Variants in GDI2 observed in about 807,000 individuals in gnomAD.
GDI2 encodes GDP dissociation inhibitor 2.
Under a neutral mutation model 54.2 loss-of-function variants are expected in GDI2, and 22 were observed. The ratio of observed to expected loss-of-function variants is 0.41; its 90% CI spans 0.29 to 0.58. The LOEUF is 0.58. GDI2 is among the 20% of genes least tolerant of loss of function. The pLI, the probability that GDI2 is intolerant of heterozygous loss-of-function variation, is 0.35. For missense variants in GDI2, 422 were observed against 546.0 expected (o/e 0.77, Z 2.26); for synonymous variants, 177 against 182.1 (o/e 0.97, Z 0.23).
chr10:5,808,233 G>A (rs189964370), intron 1 of GDI2, among the ~76,000 whole-genome samples: 8 of 152,244 alleles, frequency 5.3e-5, no homozygotes, highest in Non-Finnish European at 1.0e-4. Context: ...GCTGAAGTGG[G>A]AGGATCATTT....
At chr10:5,807,481 G>A (rs1841400251) in intron 1 of GDI2, among the ~76,000 whole-genome samples, 1 of 152,188 alleles carries the variant, frequency 6.6e-6, no homozygotes, top group Non-Finnish European at 1.5e-5. Flanking sequence ...TAACAGGTAA[G>A]AGTACCCACT....
Position 5,768,496 on chromosome 10 carries a change from A to C in GDI2, c.820-112T>G. On this transcript the variant is annotated intron_variant, in intron 7 of 10. Transcript: ENST00000380191. The surrounding 1 kb of genome is among the most constrained non-coding windows in gnomAD (Gnocchi z 4.4). ...TGTTAAGATATCAAAAACCATCCTC[A>C]AGTTCATATTGGTTCCCAAGGGATT... 2 of 677,136 alleles carry C rather than the reference A, an allele frequency of 3.0e-6. No homozygotes were observed. Among genetic ancestry groups the C allele is most frequent in the Non-Finnish European group, 5.1e-6 (2 of 396,036 alleles). The allele number at this position is 677,136 out of a possible 1,614,324, so 41.9% of individuals were successfully genotyped here.
At chr10:5,799,203 T>C (rs1441021119) in intron 2 of GDI2, among the ~76,000 whole-genome samples, 1 of 151,164 alleles carries the variant, frequency 6.6e-6, no homozygotes, top group East Asian at 2.0e-4. Flanking sequence ...GCCAGGCAGG[T>C]GGTATGCATC....
Position 5,794,923 on chromosome 10 carries a change from T to G in GDI2, c.350A>C (p.Tyr117Ser). ...GSFVYKGGKI[Y>S]KVPSTEAEAL... Reference sequence around the variant, plus strand: ...TTCTGCTTCAGTGGAAGGAACCTTGTAGATTTTTCCACCCTTATAGACAAA... The same window carrying G: ...TTCTGCTTCAGTGGAAGGAACCTTGGAGATTTTTCCACCCTTATAGACAAA... The change falls in exon 4 of 11, where the codon TAC becomes TCC. Residue 117 changes from tyrosine to serine, a missense_variant. Physicochemically the swap from Tyr to Ser is moderately radical, Grantham distance 144. Transcript: ENST00000380191. 9 of 1,606,736 alleles carry G rather than the reference T, an allele frequency of 5.6e-6. No individual in the cohort carries two copies. Among genetic ancestry groups the G allele is most frequent in the Non-Finnish European group, 6.0e-6 (7 of 1,173,248 alleles).
At position 5,765,886 on chromosome 10, in the gene GDI2, C is replaced by T; in HGVS notation, c.*120G>A. 1 of 727,920 alleles carries T rather than the reference C, an allele frequency of 1.4e-6. No homozygotes were observed. Among genetic ancestry groups the T allele is most frequent in the Non-Finnish European group, 2.3e-6 (1 of 443,462 alleles). The allele number at this position is 727,920 out of a possible 1,614,324, so 45.1% of individuals were successfully genotyped here. A position where few individuals can be genotyped will look rare whatever the true frequency, so the allele number is the denominator to read the frequency against. On this transcript the variant is annotated 3_prime_UTR_variant, in exon 11 of 11. Coordinates refer to ENST00000380191, the MANE Select transcript of GDI2 (RefSeq NM_001494.4). Reference sequence around the variant, plus strand: ...AGGTGAAGGGGAGTATTTACTGGCACAGCGCTCTTCATTCTCTCCATTTTC... The same window carrying T: ...AGGTGAAGGGGAGTATTTACTGGCATAGCGCTCTTCATTCTCTCCATTTTC...
At chr10:5,797,317 C>A (rs182934143) in intron 2 of GDI2, among the ~76,000 whole-genome samples, 8 of 151,844 alleles carry the variant, frequency 5.3e-5, no homozygotes, top group Non-Finnish European at 1.0e-4. Flanking sequence ...GAGGCCGAGG[C>A]GGGTGGATCA....
At chr10:5,800,510 T>C (rs930234283) in intron 2 of GDI2, 88 bp downstream of exon 2, 3 of 758,876 alleles carry the variant, frequency 4.0e-6, no homozygotes, top group Non-Finnish European at 7.2e-6. Context: ...AAAACAAAAT[T>C]AAGACCATCT....
At chr10:5,769,720 A>G (rs1476218574) in intron 7 of GDI2, among the ~76,000 whole-genome samples, 2 of 152,210 alleles carry the variant, frequency 1.3e-5, no homozygotes, top group Non-Finnish European at 2.9e-5. Context: ...GATTGCTACT[A>G]TCAAAACAAA....
intron 1 of GDI2, among the ~76,000 whole-genome samples, chr10:5,802,667 T>C (rs1462004633): frequency 6.6e-6 from 1 of 152,016 alleles, no homozygotes; most frequent in Non-Finnish European, 1.5e-5. Flanking sequence ...CCCCAATACA[T>C]GAAGAACTTT....
intron 7 of GDI2, chr10:5,769,374 C>T (rs1362275553): frequency 5.3e-5 from 8 of 151,872 alleles, no homozygotes; most frequent in Non-Finnish European, 1.0e-4. Flanking sequence ...GAGTTGGAGA[C>T]CAGCCTGACC....
intron 1 of GDI2, among the ~76,000 whole-genome samples, chr10:5,803,314 C>G (rs1041746637): frequency 7.2e-5 from 11 of 152,036 alleles, no homozygotes; most frequent in Non-Finnish European, 1.2e-4. Flanking sequence ...CCCTGCTACT[C>G]AAGAGGCTGA....
chr10:5,808,281 C>T (rs570174155), intron 1 of GDI2, among the ~76,000 whole-genome samples: 1 of 152,124 alleles, frequency 6.6e-6, no homozygotes. Flanking sequence ...GCTGTGATCA[C>T]ACAACTGCAC....
intron 1 of GDI2, among the ~76,000 whole-genome samples, chr10:5,805,379 A>G (rs1464056221): frequency 1.3e-5 from 2 of 151,140 alleles, no homozygotes; most frequent in Non-Finnish European, 3.0e-5. Context: ...AAAAAAAAAA[A>G]AAAAAAAGGT....
chr10:5,804,107 T>TA (rs397719133), intron 1 of GDI2, among the ~76,000 whole-genome samples: 2 of 151,928 alleles, frequency 1.3e-5, no homozygotes, highest in African/African-American at 4.8e-5. Context: ...TTTTTTTTTT[T>TA]ATTGAGATAG....
At chr10:5,793,585 T>A (rs1841064336) in intron 4 of GDI2, among the ~76,000 whole-genome samples, 1 of 152,130 alleles carries the variant, frequency 6.6e-6, no homozygotes, top group South Asian at 2.1e-4. Context: ...GCCAAAATAA[T>A]TCAAATTAGG....
chr10:5,780,117 G>A (rs1430484047), intron 6 of GDI2, among the ~76,000 whole-genome samples: 2 of 151,684 alleles, frequency 1.3e-5, no homozygotes, highest in African/African-American at 4.8e-5. Flanking sequence ...GCTGAGATGG[G>A]AAGATCCCTT....
intron 1 of GDI2, among the ~76,000 whole-genome samples, chr10:5,809,869 AAT>A (rs755725755): frequency 7.2e-5 from 11 of 152,326 alleles, no homozygotes; most frequent in Non-Finnish European, 1.0e-4. Context: ...TACATGCTAA[AAT>A]ATGTCTAATT....
intron 7 of GDI2, among the ~76,000 whole-genome samples, chr10:5,770,032 T>C (rs373012551): frequency 1.6e-4 from 25 of 152,344 alleles, no homozygotes; most frequent in South Asian, 4.1e-4. Context: ...TTTCCATACA[T>C]TGGAATATTA....
intron 4 of GDI2, among the ~76,000 whole-genome samples, chr10:5,792,726 T>C (rs1036423381): frequency 1.1e-4 from 16 of 143,446 alleles, no homozygotes; most frequent in Non-Finnish European, 2.1e-4. Flanking sequence ...AGCCAGAAAA[T>C]GATTACCTAA....
Sources: allele counts gnomAD v4.1 joint callset (sites outside exome capture counted in the v4.1 genomes callset), GRCh38; gene constraint gnomAD v4.1.1; non-coding constraint Gnocchi (gnomAD v3.1); transcripts MANE v1.5; gene names NCBI Gene and HGNC (gene_info 2026-07-23, HGNC 2026-07-21).